The following IL1RAPL1 variants were observed in gnomAD, a reference collection of about 807,000 sequenced individuals.
IL1RAPL1 encodes the protein interleukin 1 receptor accessory protein like 1, also known as interleukin-1 receptor accessory protein-like 1.
A neutral mutation model predicts 48.4 loss-of-function variants in IL1RAPL1; 3 were observed. That is an observed-to-expected ratio of 0.06 (90% confidence interval 0.03 to 0.16). The LOEUF (loss-of-function observed/expected upper bound fraction) is 0.16, where lower values mean the gene tolerates loss of function less well. IL1RAPL1 is among the 10% of genes least tolerant of loss of function. The pLI, the probability that IL1RAPL1 is intolerant of heterozygous loss-of-function variation, is 1.00. For missense variants in IL1RAPL1, 349 were observed against 530.6 expected, an observed-to-expected ratio of 0.66 and a Z score of 3.36; for synonymous variants, 185 against 187.7, an observed-to-expected ratio of 0.99 and a Z score of 0.12.
rs192117418 is a variant in IL1RAPL1, at chrX:29,154,268, G to A, written c.83-128670G>A. 1.9e-3 allele frequency among the ~76,000 whole-genome samples: 217 copies of A among 111,589 alleles called. 1 individual carries two copies. Among genetic ancestry groups the A allele is most frequent in the South Asian group, 2.6e-3 (7 of 2,665 alleles). On this transcript the variant is annotated intron_variant, in intron 2 of 10. Coordinates refer to ENST00000378993, the MANE Select transcript of IL1RAPL1 (RefSeq NM_014271.4). ...TTAAAATATTTTGTGGGCCAGGTGC[G>A]GTGGTTCACTCCTGTAATCCCAGCA...
At chrX:29,664,051 G>A (rs1027035577) in intron 5 of IL1RAPL1, among the ~76,000 whole-genome samples, 9 of 112,013 alleles carry the variant, frequency 8.0e-5, no homozygotes, top group African/African-American at 2.9e-4. Flanking sequence ...GGAACTGTTA[G>A]ACCTGTTTCC....
At chrX:29,232,185 T>C (rs952493572) in intron 2 of IL1RAPL1, among the ~76,000 whole-genome samples, 1 of 112,032 alleles carries the variant, frequency 8.9e-6, no homozygotes, top group East Asian at 2.8e-4. Context: ...TCTTTTTGTT[T>C]TAAAAAAATA....
chrX:29,427,405 C>A (rs1006922834), intron 5 of IL1RAPL1, among the ~76,000 whole-genome samples: 4 of 112,215 alleles, frequency 3.6e-5, no homozygotes, highest in Non-Finnish European at 7.5e-5. Context: ...GAGTTTAATT[C>A]TCACAAAGCA....
intron 2 of IL1RAPL1, among the ~76,000 whole-genome samples, chrX:29,242,447 A>G (rs1462609728): frequency 5.3e-5 from 6 of 112,236 alleles, no homozygotes; most frequent in Non-Finnish European, 1.1e-4. Flanking sequence ...GAAAAATCAA[A>G]CTACCAGGTT....
intron 2 of IL1RAPL1, among the ~76,000 whole-genome samples, chrX:29,225,264 T>C (rs1404989585): frequency 8.9e-6 from 1 of 112,555 alleles, no homozygotes; most frequent in Non-Finnish European, 1.9e-5. Flanking sequence ...GTCATTAAAC[T>C]AGCTGGTGCT....
chrX:28,888,234 A>AT (rs773779906), intron 2 of IL1RAPL1, among the ~76,000 whole-genome samples: 2 of 107,255 alleles, frequency 1.9e-5, no homozygotes, highest in South Asian at 8.5e-4. Context: ...AATGAGTTGT[A>AT]TCGTCTTAAT....
chrX:28,773,708 C>T (rs1159508915), intron 1 of IL1RAPL1, among the ~76,000 whole-genome samples: 1 of 111,684 alleles, frequency 9.0e-6, no homozygotes, highest in Non-Finnish European at 1.9e-5. Context: ...GTCTCCTCCC[C>T]TATATCACCA....
intron 6 of IL1RAPL1, among the ~76,000 whole-genome samples, chrX:29,879,315 G>T (rs1432518142): frequency 9.4e-6 from 1 of 106,736 alleles, no homozygotes; most frequent in African/African-American, 3.4e-5. Flanking sequence ...TGATGAAACT[G>T]TTCTGTAACC....
intron 3 of IL1RAPL1, among the ~76,000 whole-genome samples, chrX:29,345,151 A>T (rs1342172548): frequency 8.9e-6 from 1 of 112,479 alleles, no homozygotes; most frequent in East Asian, 2.8e-4. Flanking sequence ...AATATGCCTC[A>T]TTGTACACAT....
At chrX:29,683,499 G>A (rs969211661) in intron 6 of IL1RAPL1, among the ~76,000 whole-genome samples, 14 of 112,258 alleles carry the variant, frequency 1.2e-4, no homozygotes, top group Non-Finnish European at 1.9e-4. Context: ...AGACATTTAA[G>A]TATGTTGTCT....
At chrX:29,134,967 A>G (rs1929094928) in intron 2 of IL1RAPL1, among the ~76,000 whole-genome samples, 1 of 112,188 alleles carries the variant, frequency 8.9e-6, no homozygotes, top group Non-Finnish European at 1.9e-5. Context: ...AATATCAGAT[A>G]TCATATTATT....
At chrX:29,521,670 G>A (rs16988634) in intron 5 of IL1RAPL1, among the ~76,000 whole-genome samples, 7,946 of 111,096 alleles carry the variant, frequency 0.072, 493 homozygotes, top group African/African-American at 0.2. Context: ...TATATGATGC[G>A]GTAATCCTGG....
intron 3 of IL1RAPL1, among the ~76,000 whole-genome samples, chrX:29,344,916 G>A (rs1181979092): frequency 1.8e-5 from 2 of 112,580 alleles, no homozygotes; most frequent in Non-Finnish European, 3.8e-5. Context: ...GATTACAGGC[G>A]TGAGCCACCA....
intron 1 of IL1RAPL1, among the ~76,000 whole-genome samples, chrX:28,664,801 G>A (rs536770597): frequency 9.0e-6 from 1 of 111,704 alleles, no homozygotes; most frequent in East Asian, 2.8e-4. Flanking sequence ...AACTGCACTT[G>A]TCAGGCTTGT....
At chrX:29,798,387 T>C (rs1929796918) in intron 6 of IL1RAPL1, among the ~76,000 whole-genome samples, 1 of 111,849 alleles carries the variant, frequency 8.9e-6, no homozygotes, top group Non-Finnish European at 1.9e-5. Context: ...CTCTCGGTTT[T>C]ATAGTAGGAG....
rs1469625865 is a variant in IL1RAPL1, at chrX:29,941,814, ATTG to A, written c.1201+23_1201+25del. 3 of 1,192,235 alleles carry A rather than the reference ATTG, an allele frequency of 2.5e-6. No individual in the cohort carries two copies. The highest frequency in any genetic ancestry group is 3.5e-5 in the African/African-American group (2 of 56,586). ...ATGGAGGTAGGATGTTACCTCTTTT[ATTG>A]TTCTTTCTGAATGTTCTAATTTCTT... On this transcript the variant is annotated intron_variant, in intron 9 of 10. Coordinates refer to ENST00000378993, the MANE Select transcript of IL1RAPL1 (RefSeq NM_014271.4).
At chrX:29,210,631 C>A (rs1289886667) in intron 2 of IL1RAPL1, among the ~76,000 whole-genome samples, 1 of 111,674 alleles carries the variant, frequency 9.0e-6, no homozygotes, top group Non-Finnish European at 1.9e-5. Context: ...ATATGTAATT[C>A]TCATGAGTGA....
chrX:28,738,756 T>G (rs746616205), intron 1 of IL1RAPL1, among the ~76,000 whole-genome samples: 12 of 111,147 alleles, frequency 1.1e-4, no homozygotes, highest in Non-Finnish European at 2.3e-4. Context: ...TTTTTAAGGG[T>G]TTTGGAGCCA....
intron 1 of IL1RAPL1, among the ~76,000 whole-genome samples, chrX:28,738,440 A>G (rs1435108122): frequency 8.9e-6 from 1 of 111,851 alleles, no homozygotes; most frequent in East Asian, 2.8e-4. Flanking sequence ...TCAGTGGATG[A>G]TAAGCACTCT....
Sources: allele counts gnomAD v4.1 joint callset (sites outside exome capture counted in the v4.1 genomes callset), GRCh38; gene constraint gnomAD v4.1.1; transcripts MANE v1.5; gene names NCBI Gene and HGNC (gene_info 2026-07-23, HGNC 2026-07-21).